ZRANB1: variants seen among roughly 807,000 people sequenced by gnomAD.
The protein encoded by ZRANB1 is ubiquitin thioesterase ZRANB1.
Under a neutral mutation model 80.5 loss-of-function variants are expected in ZRANB1, and 16 were observed. That is an observed-to-expected ratio of 0.20 (90% CI 0.13 to 0.30). The LOEUF (loss-of-function observed/expected upper bound fraction) is 0.30. ZRANB1 is among the 10% of genes least tolerant of loss of function. The probability of loss-of-function intolerance (pLI) is 1.00; values close to 1 mark genes in which losing one functional copy is unlikely to be tolerated. For synonymous variants in ZRANB1, 291 were observed against 293.1 expected (o/e 0.99, Z 0.07); for missense variants, 576 against 862.6 (o/e 0.67, Z 4.16).
At chr10:124,941,093 C>G (rs1010638790), upstream of ZRANB1, among the ~76,000 whole-genome samples, 1 of 152,118 alleles carries the variant, frequency 6.6e-6, no homozygotes, top group Non-Finnish European at 1.5e-5. Context: ...CTTCTATACT[C>G]TGCCTAGGAT....
At chr10:124,974,809 C>G (rs895885242) in intron 5 of ZRANB1, among the ~76,000 whole-genome samples, 1 of 152,106 alleles carries the variant, frequency 6.6e-6, no homozygotes, top group South Asian at 2.1e-4. Flanking sequence ...TTGATTGATC[C>G]ATCGATGGAA....
At chr10:124,944,370 T>G (rs1047141636) in intron 1 of ZRANB1, among the ~76,000 whole-genome samples, 1 of 152,204 alleles carries the variant, frequency 6.6e-6, no homozygotes, top group African/African-American at 2.4e-5. Flanking sequence ...TTTCTTTTAT[T>G]TATCCCTCTG....
At chr10:124,984,436 TTGAC>T (rs1346270326) in intron 8 of ZRANB1, 4 of 231,676 alleles carry the variant, frequency 1.7e-5, no homozygotes, top group East Asian at 9.4e-5. Context: ...TTGTACATAA[TTGAC>T]TAAGTAAACT....
At chr10:124,926,307 CTT>C in the ZRANB1 span, among the ~76,000 whole-genome samples, 9 of 152,256 alleles carry the variant, frequency 5.9e-5, no homozygotes, top group East Asian at 1.2e-3. Context: ...AACTTTTTAA[CTT>C]TATAAATTTT....
chr10:124,956,671 C>T (rs1951689906), intron 1 of ZRANB1, among the ~76,000 whole-genome samples: 3 of 152,106 alleles, frequency 2.0e-5, no homozygotes, highest in Non-Finnish European at 4.4e-5. Flanking sequence ...GGGGTTTCAC[C>T]ATGTTGGCTA....
intron 1 of ZRANB1, among the ~76,000 whole-genome samples, chr10:124,955,681 G>T (rs1368985567): frequency 6.6e-6 from 1 of 152,164 alleles, no homozygotes; most frequent in Non-Finnish European, 1.5e-5. Context: ...TTATCTTCAG[G>T]TAGTTTTTGT....
upstream of ZRANB1, chr10:124,942,096 A>G (rs1047534655): frequency 7.9e-6 from 8 of 1,012,964 alleles, no homozygotes; most frequent in Admixed American, 5.1e-5. Flanking sequence ...TGTCTCTTTA[A>G]ACTATTGGTT....
intron 4 of ZRANB1, 84 bp downstream of exon 4, chr10:124,973,800 G>A (rs942155530): frequency 1.0e-5 from 12 of 1,192,666 alleles, no homozygotes; most frequent in African/African-American, 1.5e-5. Context: ...AGTTTGGTGT[G>A]TAGTCAACTT....
chr10:124,941,541 G>A (rs1951536528), upstream of ZRANB1, among the ~76,000 whole-genome samples: 1 of 151,974 alleles, frequency 6.6e-6, no homozygotes, highest in African/African-American at 2.4e-5. Context: ...TTATAGAGAC[G>A]GGGCTTTACC....
At position 124,956,785 on chromosome 10, in the gene ZRANB1, TATA is replaced by T. The variant is rs899528432; in HGVS notation, c.815-9806_815-9804del. ...CCATGCCTGGCCCCTGTCATTATTT[TATA>T]ATGAGAAATTTCAAAACCTGTATAA... is the stretch of plus-strand genomic sequence containing the variant. On this transcript the variant is annotated intron_variant, in intron 1 of 8. Transcript: ENST00000359653. Among the ~76,000 whole-genome samples the T allele has an allele frequency of 4.6e-4, 70 of 152,202 alleles. 1 individual carries two copies. The highest frequency in any genetic ancestry group is 7.2e-4 in the Admixed American group (11 of 15,276).
chr10:124,933,076 A>G, the ZRANB1 span, among the ~76,000 whole-genome samples: 1 of 150,656 alleles, frequency 6.6e-6, no homozygotes, highest in African/African-American at 2.4e-5. Flanking sequence ...AGTGTCTTTC[A>G]CAGAGCAGAA....
At chr10:124,978,867 A>C (rs1359175107) in intron 5 of ZRANB1, among the ~76,000 whole-genome samples, 1 of 140,658 alleles carries the variant, frequency 7.1e-6, no homozygotes, top group Non-Finnish European at 1.5e-5. Flanking sequence ...CTGGTCTCAG[A>C]CTCCCACCTC....
chr10:124,926,815 A>C, the ZRANB1 span, among the ~76,000 whole-genome samples: 1 of 152,192 alleles, frequency 6.6e-6, no homozygotes, highest in Non-Finnish European at 1.5e-5. Flanking sequence ...TGAGTAATGA[A>C]TGTATTGTGC....
chr10:124,969,091 C>T (rs1384818548), intron 2 of ZRANB1, among the ~76,000 whole-genome samples: 2 of 152,162 alleles, frequency 1.3e-5, no homozygotes, highest in African/African-American at 4.8e-5. Flanking sequence ...CAATACTGTG[C>T]CATGCAGGCC....
At chr10:124,959,789 G>A (rs545740167) in intron 1 of ZRANB1, among the ~76,000 whole-genome samples, 18 of 152,164 alleles carry the variant, frequency 1.2e-4, no homozygotes, top group Non-Finnish European at 2.4e-4. Context: ...AGGGAATGCC[G>A]TAATTAAATT....
chr10:124,973,222 G>C (rs1050899829), intron 3 of ZRANB1, among the ~76,000 whole-genome samples: 1 of 152,090 alleles, frequency 6.6e-6, no homozygotes, highest in African/African-American at 2.4e-5. Flanking sequence ...GCAGGATCAC[G>C]GCTCATTGCA....
intron 1 of ZRANB1, among the ~76,000 whole-genome samples, chr10:124,957,666 T>G (rs1315672876): frequency 6.6e-6 from 1 of 152,204 alleles, no homozygotes; most frequent in African/African-American, 2.4e-5. Context: ...GTCCTTTTGC[T>G]TATTTCACTT....
chr10:124,966,730 C>T lies in ZRANB1; in HGVS notation c.951C>T (p.His317=). Residue 317 remains histidine (H), a synonymous_variant, in exon 2 of 9, where the codon CAC becomes CAT. Coordinates refer to ENST00000359653, the MANE Select transcript of ZRANB1 (RefSeq NM_017580.3). ...SAFDVGYTLV[H]LAIRFQRQDM... is the part of the protein sequence containing the mutation. Reference sequence around the variant, plus strand: ...TTGATGTTGGCTATACTCTTGTACACTTGGCTATACGTTTTCAGAGGCAGG... The same window carrying T: ...TTGATGTTGGCTATACTCTTGTACATTTGGCTATACGTTTTCAGAGGCAGG... 1 of 1,614,110 alleles carries T rather than the reference C, an allele frequency of 6.2e-7. No homozygotes were observed. The highest frequency in any genetic ancestry group is 1.1e-5 in the South Asian group (1 of 91,068).
rs1157184968 is a variant in ZRANB1, at chr10:124,942,946, G to A, written c.453G>A (p.Gln151=). Residue 151 remains glutamine, a synonymous_variant, in exon 1 of 9, where the codon CAG becomes CAA. Coordinates refer to ENST00000359653, the MANE Select transcript of ZRANB1 (RefSeq NM_017580.3). ...NDRNKLNTRT[Q]HWTCSVCTYE... ...GAAATAAACTGAACACTAGGACACA[G>A]CACTGGACTTGCTCTGTTTGCACAT... 1 of 1,614,220 alleles carries A rather than the reference G, an allele frequency of 6.2e-7. No homozygotes were observed. Among genetic ancestry groups the A allele is most frequent in the South Asian group, 1.1e-5 (1 of 91,084 alleles).
Sources: allele counts gnomAD v4.1 joint callset (sites outside exome capture counted in the v4.1 genomes callset), GRCh38; gene constraint gnomAD v4.1.1; transcripts MANE v1.5; gene names NCBI Gene and HGNC (gene_info 2026-07-23, HGNC 2026-07-21).